ZNF215: variants seen among roughly 807,000 people sequenced by gnomAD.
ZNF215 encodes the protein BWSCR2-associated zinc finger protein 2.
A neutral mutation model predicts 27.2 loss-of-function variants in ZNF215; 24 were observed. The ratio of observed to expected loss-of-function variants is 0.88; its 90% CI spans 0.64 to 1.24. The LOEUF is 1.24. Ranked by LOEUF, ZNF215 falls within the 50% of genes most tolerant of loss-of-function variation. The probability of loss-of-function intolerance (pLI) is 0.00; values close to 1 mark genes in which losing one functional copy is unlikely to be tolerated. For synonymous variants in ZNF215, 210 were observed against 204.0 expected (o/e 1.03, Z -0.25); for missense variants, 675 against 605.7 (o/e 1.11, Z -1.20).
exon 6 of ZNF215, chr11:6,984,149 C>A: frequency 2.6e-6 from 1 of 391,296 alleles, no homozygotes; most frequent in Admixed American, 3.2e-5. Context: ...CCTCTTGTTG[C>A]CCAGGCTGGA....
intron 3 of ZNF215, among the ~76,000 whole-genome samples, chr11:6,938,819 T>G (rs1049740740): frequency 6.6e-6 from 1 of 152,172 alleles, no homozygotes; most frequent in Non-Finnish European, 1.5e-5. Context: ...GTGGTGATCA[T>G]TGTACAACAT....
At chr11:6,947,764 G>C (rs576298705) in intron 6 of ZNF215, among the ~76,000 whole-genome samples, 1 of 152,280 alleles carries the variant, frequency 6.6e-6, no homozygotes, top group East Asian at 1.9e-4. Flanking sequence ...AATTTTGTGA[G>C]TTGACTGAGG....
chr11:6,964,865 G>C (rs1850586943), intron 5 of ZNF215, among the ~76,000 whole-genome samples: 1 of 151,960 alleles, frequency 6.6e-6, no homozygotes, highest in South Asian at 2.1e-4. Flanking sequence ...AAATTAGTGT[G>C]TGTATTCATG....
In ZNF215 at chr11:6,942,405, G is replaced by A. The variant is rs534199455; in HGVS notation, c.484-678G>A. ...ATAATATGCCAGATACTGTTCTGAG[G>A]GCTGAAAATATGATTGATAAACGAA... On this transcript the variant is annotated intron_variant, in intron 4 of 6. Coordinates refer to ENST00000278319, the MANE Select transcript of ZNF215 (RefSeq NM_013250.4). 3.2e-4 allele frequency among the ~76,000 whole-genome samples: 49 copies of A among 152,248 alleles called. 1 individual carries two copies. The highest frequency in any genetic ancestry group is 1.1e-3 in the African/African-American group (46 of 41,562).
intron 5 of ZNF215, among the ~76,000 whole-genome samples, chr11:6,979,825 T>C (rs1200934286): frequency 1.3e-5 from 2 of 152,130 alleles, no homozygotes; most frequent in East Asian, 3.8e-4. Context: ...AATATATTGC[T>C]GAGAGGACTG....
chr11:6,929,167 C>G (rs1254648960), intron 2 of ZNF215, among the ~76,000 whole-genome samples: 1 of 152,182 alleles, frequency 6.6e-6, no homozygotes, highest in Non-Finnish European at 1.5e-5. Flanking sequence ...CCAGAAGGCA[C>G]CTGCCTCTGT....
intron 6 of ZNF215, among the ~76,000 whole-genome samples, chr11:6,945,041 T>A (rs1270822313): frequency 6.6e-6 from 1 of 152,068 alleles, no homozygotes; most frequent in South Asian, 2.1e-4. Context: ...CATTAAAGAG[T>A]ATAAATATTT....
intron 5 of ZNF215, among the ~76,000 whole-genome samples, chr11:6,971,102 A>G (rs1590083029): frequency 1.3e-5 from 2 of 151,776 alleles, no homozygotes. Context: ...GGACTGTTAC[A>G]TGAAAAAAAA....
Position 6,956,347 on chromosome 11 carries a change from T to C in ZNF215, c.1370T>C (p.Phe457Ser), listed in dbSNP as rs776478167. 1.1e-5 allele frequency: 17 copies of C among 1,614,144 alleles called. No homozygotes were observed. Among genetic ancestry groups the C allele is most frequent in the Middle Eastern group, 1.6e-4 (1 of 6,062 alleles). Residue 457 changes from phenylalanine (F) to serine (S), a missense_variant, in exon 7 of 7, where the codon TTT becomes TCT. Physicochemically the swap from Phe to Ser is radical, Grantham distance 155. Transcript: ENST00000278319. Reference sequence around the variant, plus strand: ...GACAGTAATAATCCAACACTCCATTTTGGAAACAATTTCTATCAATGTGTT... The same window carrying C: ...GACAGTAATAATCCAACACTCCATTCTGGAAACAATTTCTATCAATGTGTT... Reference protein sequence around the residue: ...SEDSNNPTLHFGNNFYQCVNC... With the variant: ...SEDSNNPTLHSGNNFYQCVNC...
At chr11:6,938,316 CAA>C in intron 3 of ZNF215, among the ~76,000 whole-genome samples, 1 of 151,902 alleles carries the variant, frequency 6.6e-6, no homozygotes, top group East Asian at 1.9e-4. Flanking sequence ...ATAATAATTA[CAA>C]AAGGAAAACG....
intron 6 of ZNF215, among the ~76,000 whole-genome samples, chr11:6,951,397 G>C (rs1338079824): frequency 1.3e-5 from 2 of 152,148 alleles, no homozygotes. Flanking sequence ...ATTGATTGTT[G>C]CCATAATTTC....
chr11:6,963,610 T>G (rs1343632737), intron 5 of ZNF215, among the ~76,000 whole-genome samples: 3 of 152,060 alleles, frequency 2.0e-5, no homozygotes, highest in African/African-American at 4.8e-5. Context: ...ATATAACAGT[T>G]TGTGTTAAGA....
intron 6 of ZNF215, among the ~76,000 whole-genome samples, chr11:6,951,477 G>C (rs180937935): frequency 3.3e-4 from 50 of 151,970 alleles, no homozygotes; most frequent in South Asian, 2.1e-4. Context: ...TGTATGTGTC[G>C]AGGAATTTAT....
rs779459665 is a variant in ZNF215 at position 6,943,040 on chromosome 11, T to C, written c.484-43T>C. ...ATCCATTCCTTCTCTGGTAGTGTTT[T>C]GGGGAGTGACACCTTTGATTAAAAA... On this transcript the variant is annotated intron_variant, in intron 4 of 6. Coordinates refer to ENST00000278319, the MANE Select transcript of ZNF215 (RefSeq NM_013250.4). The C allele has an allele frequency of 2.3e-5, 37 of 1,593,334 alleles. No individual in the cohort carries two copies. In the East Asian group the frequency reaches 8.0e-4, roughly 35 times the overall value.
chr11:6,980,507 T>A (rs529651978), intron 5 of ZNF215, among the ~76,000 whole-genome samples: 3 of 152,078 alleles, frequency 2.0e-5, no homozygotes, highest in Admixed American at 1.3e-4. Flanking sequence ...ATAAACTAAG[T>A]GTACAAATAG....
intron 2 of ZNF215, among the ~76,000 whole-genome samples, chr11:6,928,984 T>TGGG (rs1849161104): frequency 6.6e-6 from 1 of 152,146 alleles, no homozygotes; most frequent in African/African-American, 2.4e-5. Flanking sequence ...GGTCTTTTGT[T>TGGG]ATGAGTTTGG....
At chr11:6,980,465 C>T (rs2857918) in intron 5 of ZNF215, among the ~76,000 whole-genome samples, 1 of 151,588 alleles carries the variant, frequency 6.6e-6, no homozygotes, top group Admixed American at 6.6e-5. Flanking sequence ...TAGAAAAATC[C>T]GTTTTCAATG....
At chr11:6,939,742 GAAGT>G (rs1849571088) in intron 3 of ZNF215, among the ~76,000 whole-genome samples, 1 of 152,310 alleles carries the variant, frequency 6.6e-6, no homozygotes, top group East Asian at 1.9e-4. Flanking sequence ...CAGCAGGGAA[GAAGT>G]AAGGGAAGAA....
At chr11:6,940,245 A>C (rs1849589521) in intron 3 of ZNF215, among the ~76,000 whole-genome samples, 2 of 151,916 alleles carry the variant, frequency 1.3e-5, no homozygotes, top group East Asian at 3.9e-4. Context: ...AAAAAAAAAA[A>C]AAAGTTAACA....
Sources: gnomAD v4.1 joint callset for allele counts (sites outside exome capture counted in the v4.1 genomes callset) on GRCh38, gnomAD v4.1.1 for gene constraint, MANE v1.5 for transcripts, NCBI Gene and HGNC (gene_info 2026-07-23, HGNC 2026-07-21) for gene names.